The following SLC15A4 variants were observed in gnomAD, a reference collection of about 807,000 sequenced individuals.
SLC15A4 encodes the protein solute carrier family 15 member 4, also known as hPHT1.
A neutral mutation model predicts 46.1 loss-of-function variants in SLC15A4; 26 were observed. The observed-to-expected ratio is 0.56, with a 90% CI of 0.41 to 0.78. The LOEUF is 0.78. SLC15A4 is among the 30% of genes least tolerant of loss of function. The pLI is 0.00. For missense variants in SLC15A4, 751 were observed against 755.7 expected (o/e 0.99, Z 0.07); for synonymous variants, 370 against 333.4 (o/e 1.11, Z -1.20).
chr12:128,804,070 T>C (rs1042621239), intron 5 of SLC15A4, among the ~76,000 whole-genome samples: 1 of 152,162 alleles, frequency 6.6e-6, no homozygotes, highest in Admixed American at 6.5e-5. Flanking sequence ...TTAATACCGT[T>C]GGTAGTATTA....
Position 128,814,888 on chromosome 12 carries a change from G to T in SLC15A4, c.729C>A (p.Gly243=), listed in dbSNP as rs763146072. 2.5e-6 allele frequency: 4 copies of T among 1,614,164 alleles called. No individual in the cohort carries two copies. Among genetic ancestry groups the T allele is most frequent in the South Asian group, 2.2e-5 (2 of 91,076 alleles). Residue 243 remains glycine, a synonymous_variant, in exon 2 of 8, where the codon GGC becomes GGA. Transcript: ENST00000266771. ...GAGGCTTGGTGATGAAAACGCTCTG[G>T]CCACAGAGGAAGACCACAAAAGCAA... is the stretch of plus-strand genomic sequence containing the variant. ...VGLAFVVFLC[G]QSVFITKPPD...
Position 128,800,965 on chromosome 12 carries a change from T to C in SLC15A4, c.1303A>G (p.Ile435Val). The C allele has an allele frequency of 1.2e-6, 2 of 1,613,968 alleles. No homozygotes were observed. The highest frequency in any genetic ancestry group is 1.3e-5 in the African/African-American group (1 of 75,054). ...ACGACGTTGCCGATGGTCTGATTAA[T>C]GGTTTTCTCTTTAACAAGGTTCAGC... Reference protein sequence around the residue: ...KRLNLVKEKTINQTIGNVVYH... With the variant: ...KRLNLVKEKTVNQTIGNVVYH... The change falls in exon 6 of 8, where the codon ATT becomes GTT. Residue 435 changes from isoleucine to valine, a missense_variant. Ile to Val is a conservative substitution (Grantham distance 29, BLOSUM62 3). Transcript: ENST00000266771.
intron 5 of SLC15A4, among the ~76,000 whole-genome samples, chr12:128,806,964 C>T (rs1399070146): frequency 7.4e-6 from 1 of 134,448 alleles, no homozygotes; most frequent in East Asian, 2.4e-4. Context: ...AGTGCAGTGG[C>T]GCGATCTCGG....
In SLC15A4 at chr12:128,814,929, T is replaced by G; in HGVS notation, c.688A>C (p.Thr230Pro). ...ACAAAAGCAAGGCCGACGCAGACAG[T>G]GGGGATCGCATAACCAGTGACAAAG... ...VSFVTGYAIP[T>P]VCVGLAFVVF... The change falls in exon 2 of 8, where the codon ACT becomes CCT. Residue 230 changes from threonine to proline, a missense_variant. Coordinates refer to ENST00000266771, the MANE Select transcript of SLC15A4 (RefSeq NM_145648.4). The G allele has an allele frequency of 6.2e-7, 1 of 1,614,092 alleles. No individual in the cohort carries two copies. Among genetic ancestry groups the G allele is most frequent in the South Asian group, 1.1e-5 (1 of 91,078 alleles).
At chr12:128,797,782 T>C (rs1184422197) in intron 7 of SLC15A4, among the ~76,000 whole-genome samples, 8 of 152,180 alleles carry the variant, frequency 5.3e-5, no homozygotes, top group Non-Finnish European at 1.2e-4. Context: ...TCCTGTGGAT[T>C]TCCCATGTCA....
intron 1 of SLC15A4, among the ~76,000 whole-genome samples, chr12:128,816,234 A>G (rs1055674683): frequency 2.0e-5 from 3 of 152,236 alleles, no homozygotes; most frequent in Admixed American, 2.0e-4. Flanking sequence ...CAGACACACC[A>G]GAAGCCTTCT....
intron 3 of SLC15A4, 140 bp from the exon 4 acceptor site, chr12:128,809,613 C>CA: frequency 3.3e-6 from 2 of 613,898 alleles, no homozygotes; most frequent in Non-Finnish European, 5.7e-6. Flanking sequence ...AGTTTGAAAA[C>CA]AGACAGGTCA....
intron 1 of SLC15A4, among the ~76,000 whole-genome samples, chr12:128,820,374 C>T (rs1488569623): frequency 6.6e-6 from 1 of 152,200 alleles, no homozygotes; most frequent in African/African-American, 2.4e-5. Flanking sequence ...TCTAAGACTC[C>T]TGTGAGGTTC....
intron 7 of SLC15A4, among the ~76,000 whole-genome samples, 197 bp downstream of exon 7, chr12:128,799,062 C>G (rs1566045114): frequency 1.3e-5 from 2 of 152,158 alleles, no homozygotes; most frequent in Non-Finnish European, 2.9e-5. Flanking sequence ...GCCTGCTTGT[C>G]TCCTGAAAAC....
At chr12:128,794,739 C>A (rs1163577693) in intron 7 of SLC15A4, among the ~76,000 whole-genome samples, 1 of 152,184 alleles carries the variant, frequency 6.6e-6, no homozygotes. Flanking sequence ...GGGACAGTGT[C>A]GACGGAGAGT....
chr12:128,816,930 G>T (rs779287732), intron 1 of SLC15A4, among the ~76,000 whole-genome samples: 3 of 152,154 alleles, frequency 2.0e-5, no homozygotes, highest in Non-Finnish European at 2.9e-5. Context: ...TAAATCAGAG[G>T]AGTAAAATTT....
chr12:128,799,460 T>G, intron 6 of SLC15A4, 43 bp from the exon 7 acceptor site: 1 of 1,607,700 alleles, frequency 6.2e-7, no homozygotes, highest in Non-Finnish European at 8.5e-7. Context: ...AAAGGGGCAC[T>G]TTAACACATG....
chr12:128,817,574 C>T (rs1360373193), intron 1 of SLC15A4, among the ~76,000 whole-genome samples: 1 of 152,136 alleles, frequency 6.6e-6, no homozygotes, highest in Admixed American at 6.5e-5. Context: ...CCCACAGTGA[C>T]ACTGCACATA....
At chr12:128,807,008 C>T (rs1593008981) in intron 5 of SLC15A4, among the ~76,000 whole-genome samples, 1 of 150,136 alleles carries the variant, frequency 6.7e-6, no homozygotes, top group African/African-American at 2.5e-5. Context: ...GTTCAAGCGA[C>T]TCTCCTGCCT....
chr12:128,823,338 A>AGGCTGG, intron 1 of SLC15A4, 60 bp downstream of exon 1: 1 of 1,319,600 alleles, frequency 7.6e-7, no homozygotes, highest in South Asian at 1.9e-5. Context: ...GCAGGGGAAG[A>AGGCTGG]GGCTGGGGCT....
chr12:128,794,754 C>CT (rs1231672665), intron 7 of SLC15A4, among the ~76,000 whole-genome samples: 2 of 152,214 alleles, frequency 1.3e-5, no homozygotes, highest in African/African-American at 4.8e-5. Flanking sequence ...GAGAGTGTGC[C>CT]TAAGGCCGCA....
At chr12:128,800,629 CA>C (rs1485696093) in intron 6 of SLC15A4, among the ~76,000 whole-genome samples, 1 of 152,182 alleles carries the variant, frequency 6.6e-6, no homozygotes, top group Non-Finnish European at 1.5e-5. Context: ...AGGTAGTTAA[CA>C]AACTTTCATG....
chr12:128,797,940 T>C (rs1186964554), intron 7 of SLC15A4, among the ~76,000 whole-genome samples: 1 of 152,172 alleles, frequency 6.6e-6, no homozygotes, highest in Admixed American at 6.5e-5. Context: ...CATGAAACAT[T>C]TCCCATTCTT....
Position 128,808,847 on chromosome 12 carries a change from G to C in SLC15A4, c.1199C>G (p.Ser400Cys), listed in dbSNP as rs1275140901. 6.2e-7 allele frequency: 1 copy of C among 1,614,246 alleles called. No homozygotes were observed. Among genetic ancestry groups the C allele is most frequent in the East Asian group, 2.2e-5 (1 of 44,878 alleles). The part of the protein sequence containing the change: ...PILRRHGLLP[S>C]SLKRIAVGMF... ...GCCCACGGCGATCCTCTTCAGGGAG[G>C]ATGGGAGCAGGCCATGTCTTCTCAA... is the stretch of plus-strand genomic sequence containing the variant. The change falls in exon 5 of 8, where the codon TCC (serine) becomes TGC (cysteine). Residue 400 changes from serine to cysteine, a missense_variant. Coordinates refer to ENST00000266771, the MANE Select transcript of SLC15A4 (RefSeq NM_145648.4).
Sources: gnomAD v4.1 joint callset for allele counts (sites outside exome capture counted in the v4.1 genomes callset) on GRCh38, gnomAD v4.1.1 for gene constraint, MANE v1.5 for transcripts, NCBI Gene and HGNC (gene_info 2026-07-23, HGNC 2026-07-21) for gene names.